METTL14: variants seen among roughly 807,000 people sequenced by gnomAD.
METTL14 encodes N(6)-adenosine-methyltransferase non-catalytic subunit METTL14.
Under a neutral mutation model 62.4 loss-of-function variants are expected in METTL14, and 32 were observed. The observed-to-expected ratio is 0.51, with a 90% CI of 0.39 to 0.69. The LOEUF is 0.69. Among genes scored for constraint, METTL14 ranks in the 30% least tolerant of loss-of-function variants. The probability of loss-of-function intolerance (pLI) is 0.00; values close to 1 mark genes in which losing one functional copy is unlikely to be tolerated. For synonymous variants in METTL14, 150 were observed against 180.0 expected, an observed-to-expected ratio of 0.83 and a Z score of 1.34; for missense variants, 340 against 551.9, an observed-to-expected ratio of 0.62 and a Z score of 3.85.
Position 118,711,292 on chromosome 4 carries a change from TG to T in METTL14, c.*991del, listed in dbSNP as rs750112206. 6.6e-5 allele frequency: 10 copies of T among 151,928 alleles called. No individual in the cohort carries two copies. Among genetic ancestry groups the T allele is most frequent in the Non-Finnish European group, 1.2e-4 (8 of 67,908 alleles). 9.4% of individuals were successfully genotyped at this position (151,928 alleles called of 1,614,324 possible). ...TATTAAAACCATATGGTGTGATGTTTGTTTTTAAAATTATATAAGACTTTAT... is the reference window on the plus strand; with the variant it reads ...TATTAAAACCATATGGTGTGATGTTTTTTTTAAAATTATATAAGACTTTAT... On this transcript the variant is annotated 3_prime_UTR_variant, in exon 11 of 11. Transcript: ENST00000388822.
chr4:118,711,912 C>G lies in METTL14; in HGVS notation c.*1610C>G, dbSNP rs1724933901. 6.6e-6 allele frequency: 1 copy of G among 152,120 alleles called. No individual in the cohort carries two copies. The highest frequency in any genetic ancestry group is 2.1e-4 in the South Asian group (1 of 4,826). 9.4% of individuals were successfully genotyped at this position (152,120 alleles called of 1,614,324 possible). A position where few individuals can be genotyped will look rare whatever the true frequency, so the allele number is the denominator to read the frequency against. The stretch of plus-strand genomic sequence containing the variant: ...ACAGGGCTCTCTATTACGTTCCATA[C>G]CCTGGGCCTACCCAAGGTGACATTC... On this transcript the variant is annotated 3_prime_UTR_variant, in exon 11 of 11. Coordinates refer to ENST00000388822, the MANE Select transcript of METTL14 (RefSeq NM_020961.4).
chr4:118,706,702 A>G (rs886947320), intron 10 of METTL14, among the ~76,000 whole-genome samples: 21 of 152,356 alleles, frequency 1.4e-4, no homozygotes, highest in Non-Finnish European at 2.6e-4. Context: ...TTCCACCGGC[A>G]GTGAGAGTTC....
chr4:118,702,065 G>T (rs1183309067), intron 8 of METTL14, among the ~76,000 whole-genome samples: 1 of 150,390 alleles, frequency 6.6e-6, no homozygotes, highest in Non-Finnish European at 1.5e-5. Flanking sequence ...ATCTGACTTT[G>T]ATCTTTCCTT....
chr4:118,715,057 A>C lies in METTL14; in HGVS notation c.*4755A>C, dbSNP rs1034724313. The C allele has an allele frequency of 6.6e-6, 1 of 152,214 alleles. No homozygotes were observed. Among genetic ancestry groups the C allele is most frequent in the African/African-American group, 2.4e-5 (1 of 41,434 alleles). 9.4% of individuals were successfully genotyped at this position (152,214 alleles called of 1,614,324 possible). On this transcript the variant is annotated 3_prime_UTR_variant, in exon 11 of 11. Transcript: ENST00000388822. ...CACAGTAGACTGAAAATGTGAACTA[A>C]TACTTTAAAATTGCCGTATAATGAT...
intron 2 of METTL14, among the ~76,000 whole-genome samples, chr4:118,688,441 CA>C (rs10549507): frequency 0.57 from 67,997 of 118,594 alleles, 18,195 homozygotes; most frequent in South Asian, 0.7. Flanking sequence ...GACTCCGTCT[CA>C]AAAAAAAAAA....
At chr4:118,706,074 C>G (rs755455835) in intron 10 of METTL14, among the ~76,000 whole-genome samples, 27 of 152,182 alleles carry the variant, frequency 1.8e-4, no homozygotes, top group Non-Finnish European at 3.4e-4. Flanking sequence ...ACATTTGTTA[C>G]AAATGATGAA....
At chr4:118,692,773 G>A (rs917351521) in intron 5 of METTL14, among the ~76,000 whole-genome samples, 21 of 151,796 alleles carry the variant, frequency 1.4e-4, no homozygotes. Context: ...TAGAACATTT[G>A]CATCTCCCCT....
At chr4:118,689,660 T>G (rs1724184470) in intron 3 of METTL14, among the ~76,000 whole-genome samples, 1 of 151,872 alleles carries the variant, frequency 6.6e-6, no homozygotes, top group South Asian at 2.1e-4. Flanking sequence ...TTTTTTTTTT[T>G]TGTGACGGAG....
At chr4:118,688,211 T>C (rs949174711) in intron 2 of METTL14, among the ~76,000 whole-genome samples, 200 bp downstream of exon 2, 3 of 151,914 alleles carry the variant, frequency 2.0e-5, no homozygotes, top group African/African-American at 7.3e-5. Flanking sequence ...GGTGGATCAC[T>C]TGAGCCCAGG....
chr4:118,700,963 G>C (rs1225185144), intron 8 of METTL14, among the ~76,000 whole-genome samples: 1 of 152,000 alleles, frequency 6.6e-6, no homozygotes, highest in African/African-American at 2.4e-5. Flanking sequence ...AATTCTTTAT[G>C]AGTAGCTAAA....
At chr4:118,690,035 C>CTTTTTTTTTTTTTTT (rs70941200) in intron 3 of METTL14, among the ~76,000 whole-genome samples, 1 of 86,640 alleles carries the variant, frequency 1.2e-5, no homozygotes, top group African/African-American at 4.3e-5. Context: ...TAATAATATT[C>CTTTTTTTTTTTTTTT]TTTTTTTTTT....
chr4:118,709,851 A>C, intron 10 of METTL14, 147 bp from the exon 11 acceptor site: 1 of 745,004 alleles, frequency 1.3e-6, no homozygotes, highest in Non-Finnish European at 2.1e-6. Flanking sequence ...CATGACCACA[A>C]TTAAGTGCCA....
At chr4:118,688,825 C>T (rs908790757) in intron 2 of METTL14, among the ~76,000 whole-genome samples, 2 of 151,906 alleles carry the variant, frequency 1.3e-5, no homozygotes, top group Admixed American at 6.6e-5. Context: ...AGGTGCGCGC[C>T]ACCACCCCCA....
At chr4:118,702,126 T>G (rs575504238) in intron 8 of METTL14, among the ~76,000 whole-genome samples, 2 of 150,034 alleles carry the variant, frequency 1.3e-5, no homozygotes, top group African/African-American at 4.9e-5. Context: ...ATCTTTTTTT[T>G]TTTTTTTTTT....
At chr4:118,689,326 C>A in intron 2 of METTL14, 44 bp from the exon 3 acceptor site, 2 of 1,037,490 alleles carry the variant, frequency 1.9e-6, no homozygotes, top group Non-Finnish European at 2.9e-6. Context: ...TGCATTTATA[C>A]ATCTTGTATA....
At chr4:118,695,840 G>A (rs561169521) in intron 6 of METTL14, among the ~76,000 whole-genome samples, 6 of 152,030 alleles carry the variant, frequency 3.9e-5, no homozygotes, top group South Asian at 2.1e-4. Context: ...GGCCGGGTGC[G>A]GTGGCTCACA....
intron 10 of METTL14, among the ~76,000 whole-genome samples, chr4:118,706,038 TTATCAG>T (rs1724746954): frequency 6.6e-6 from 1 of 152,226 alleles, no homozygotes; most frequent in Admixed American, 6.5e-5. Flanking sequence ...ACCTTTCCAG[TTATCAG>T]TATCTCCCAA....
chr4:118,692,798 C>T (rs1724294761), intron 5 of METTL14, among the ~76,000 whole-genome samples: 1 of 152,060 alleles, frequency 6.6e-6, no homozygotes, highest in East Asian at 1.9e-4. Flanking sequence ...AAGCCCTGTA[C>T]CCATTAGCAG....
intron 6 of METTL14, among the ~76,000 whole-genome samples, chr4:118,696,957 TAAG>T (rs1724430627): frequency 6.6e-6 from 1 of 152,104 alleles, no homozygotes; most frequent in South Asian, 2.1e-4. Flanking sequence ...GTTCATGTCT[TAAG>T]AAAGATCACT....
Sources: gnomAD v4.1 joint callset for allele counts (sites outside exome capture counted in the v4.1 genomes callset) on GRCh38, gnomAD v4.1.1 for gene constraint, MANE v1.5 for transcripts, NCBI Gene and HGNC (gene_info 2026-07-23, HGNC 2026-07-21) for gene names.